The following CDH22 variants were observed in gnomAD, a reference collection of about 807,000 sequenced individuals.
CDH22 encodes cadherin-22.
CDH22 carries 30 observed loss-of-function variants against 58.4 expected under a neutral mutation model. The observed-to-expected ratio is 0.51, with a 90% CI of 0.38 to 0.70. The LOEUF (loss-of-function observed/expected upper bound fraction) is 0.70. Ranked by LOEUF, CDH22 falls within the 30% of genes least tolerant of loss-of-function variation. The pLI is 0.00. For synonymous variants in CDH22, 513 were observed against 558.2 expected, an observed-to-expected ratio of 0.92 and a Z score of 1.14; for missense variants, 1,014 against 1,233.9, an observed-to-expected ratio of 0.82 and a Z score of 2.67.
intron 1 of CDH22, among the ~76,000 whole-genome samples, chr20:46,263,447 T>G (rs2086443981): frequency 6.6e-6 from 1 of 151,964 alleles, no homozygotes; most frequent in African/African-American, 2.4e-5. Flanking sequence ...TGCATGTGTG[T>G]GTGTGAAGCA....
intron 1 of CDH22, among the ~76,000 whole-genome samples, chr20:46,291,490 T>C (rs1428915666): frequency 6.6e-6 from 1 of 152,190 alleles, no homozygotes; most frequent in Admixed American, 6.5e-5. Flanking sequence ...TTGCATAAGA[T>C]CCCATAGCCC....
At chr20:46,204,995 G>A (rs373381394) in intron 7 of CDH22, among the ~76,000 whole-genome samples, 3 of 152,080 alleles carry the variant, frequency 2.0e-5, no homozygotes, top group East Asian at 1.9e-4. Flanking sequence ...TGCAGCTGCC[G>A]CCCAAGCTGC....
chr20:46,197,086 C>G (rs570837295), intron 8 of CDH22, among the ~76,000 whole-genome samples: 1 of 152,184 alleles, frequency 6.6e-6, no homozygotes, highest in South Asian at 2.1e-4. Context: ...GGGGCTCAGA[C>G]AGCAGAGAGT....
rs868552160 is a variant in CDH22 at position 46,230,123 on chromosome 20, G to A, written c.551-2496C>T. On this transcript the variant is annotated intron_variant, in intron 3 of 11. Coordinates refer to ENST00000537909, the MANE Select transcript of CDH22 (RefSeq NM_021248.3). The stretch of plus-strand genomic sequence containing the variant: ...CTCCCACCTTCTTCAGAAGTCAGCA[G>A]CTCCCCAGAATTGGCTGACAAAAGG... Among the ~76,000 whole-genome samples the A allele has an allele frequency of 2.0e-5, 3 of 152,228 alleles. No homozygotes were observed. The East Asian group carries it at 5.8e-4, about 29-fold the overall frequency.
Position 46,217,006 on chromosome 20 carries a change from G to C in CDH22, c.671-13C>G, listed in dbSNP as rs761923682. The C allele has an allele frequency of 6.3e-7, 1 of 1,580,584 alleles. No individual in the cohort carries two copies. The highest frequency in any genetic ancestry group is 8.6e-7 in the Non-Finnish European group (1 of 1,157,224). On this transcript the variant is annotated splice_polypyrimidine_tract_variant and intron_variant, in intron 4 of 11. Coordinates refer to ENST00000537909, the MANE Select transcript of CDH22 (RefSeq NM_021248.3). ...GTCCGGATTACGCCTGTGGGTGAGT[G>C]AGGGTGAGGCCAGGGCACCCCACAC...
Position 46,233,759 on chromosome 20 carries a change from C to T in CDH22, c.551-6132G>A, listed in dbSNP as rs13043259. ...GGCCAACTCCTGAGGACCAGGGCCT[C>T]GGCTCCTGTCTGCTGCTTCTCCCCA... On this transcript the variant is annotated intron_variant, in intron 3 of 11. Transcript: ENST00000537909. Among the ~76,000 whole-genome samples the T allele has an allele frequency of 4.5e-3, 683 of 152,368 alleles. 3 individuals are homozygous for T. The highest frequency in any genetic ancestry group is 7.1e-3 in the African/African-American group (296 of 41,590).
chr20:46,256,686 A>G (rs1053422970), intron 1 of CDH22, among the ~76,000 whole-genome samples: 6 of 152,180 alleles, frequency 3.9e-5, no homozygotes, highest in Non-Finnish European at 1.5e-5. Flanking sequence ...GAAGAGTGAC[A>G]TGATCTGACT....
rs1478187379 is a variant in CDH22 at position 46,174,660 on chromosome 20, G to A, written c.2333C>T (p.Ala778Val). 1.3e-6 allele frequency: 2 copies of A among 1,557,054 alleles called. No homozygotes were observed. Among genetic ancestry groups the A allele is most frequent in the African/African-American group, 2.7e-5 (2 of 74,048 alleles). ...GCTGAGCGAGGCGGCCGGCGAGTCC[G>A]CGCCCTCGAAGGCGTAGGTCTGGAA... ...DAFQTYAFEG[A>V]DSPAASLSSL... is the part of the protein sequence containing the mutation. Residue 778 changes from alanine (A) to valine (V), a missense_variant, in exon 12 of 12, where the codon GCG (alanine) becomes GTG (valine). By Grantham distance (64) the Ala-to-Val change is moderately conservative (BLOSUM62 0). Transcript: ENST00000537909. This position sits in a 1 kb window ranked among gnomAD's most constrained non-coding sequence, Gnocchi z 4.4.
chr20:46,223,633 C>T (rs888865709), intron 4 of CDH22, among the ~76,000 whole-genome samples: 19 of 143,720 alleles, frequency 1.3e-4, no homozygotes, highest in Non-Finnish European at 2.7e-4. Flanking sequence ...TTTCTTTTTT[C>T]TTTCTTTCTT....
chr20:46,253,275 T>TC (rs1239581896), intron 1 of CDH22, among the ~76,000 whole-genome samples: 1 of 152,218 alleles, frequency 6.6e-6, no homozygotes, highest in Admixed American at 6.5e-5. Flanking sequence ...TGCTTTTTTT[T>TC]CTAGCATCTC....
At chr20:46,235,540 C>A (rs2086246422) in intron 3 of CDH22, among the ~76,000 whole-genome samples, 1 of 152,212 alleles carries the variant, frequency 6.6e-6, no homozygotes, top group Non-Finnish European at 1.5e-5. Context: ...TCTTAACTTG[C>A]CCAAGAATTA....
At chr20:46,286,826 C>G (rs1324475613) in intron 1 of CDH22, among the ~76,000 whole-genome samples, 1 of 152,148 alleles carries the variant, frequency 6.6e-6, no homozygotes, top group East Asian at 1.9e-4. Flanking sequence ...CTAGAAAGCC[C>G]TATGGCTCCT....
intron 2 of CDH22, among the ~76,000 whole-genome samples, chr20:46,249,716 C>T (rs1374916641): frequency 2.0e-5 from 3 of 152,172 alleles, no homozygotes; most frequent in East Asian, 3.9e-4. Context: ...TTGGCCCTAA[C>T]AAAAGCCAGA....
At chr20:46,291,512 G>T (rs2086602706) in intron 1 of CDH22, among the ~76,000 whole-genome samples, 1 of 152,220 alleles carries the variant, frequency 6.6e-6, no homozygotes, top group Non-Finnish European at 1.5e-5. Context: ...GAGCGGCCCT[G>T]CTGGCTCCAG....
chr20:46,183,768 GGC>G (rs1491489004), intron 10 of CDH22, among the ~76,000 whole-genome samples: 220 of 544 alleles, frequency 0.4, 2 homozygotes, highest in African/African-American at 0.47. Flanking sequence ...AGGCCACTAA[GGC>G]TCCGCATTGG....
intron 2 of CDH22, among the ~76,000 whole-genome samples, chr20:46,246,423 C>T (rs1600714959): frequency 6.6e-6 from 1 of 152,292 alleles, no homozygotes. Context: ...ATAATTCTAT[C>T]TTTTTTTAAA....
chr20:46,288,396 G>T (rs2086585536), intron 1 of CDH22, among the ~76,000 whole-genome samples: 2 of 152,084 alleles, frequency 1.3e-5, no homozygotes, highest in Non-Finnish European at 2.9e-5. Context: ...GCCCCAGAGG[G>T]TAGTCCCTGG....
rs1419516383 is a variant in CDH22, at chr20:46,210,717, A to G, written c.1033-157T>C. 2.0e-5 allele frequency among the ~76,000 whole-genome samples: 3 copies of G among 152,132 alleles called. No homozygotes were observed. Among genetic ancestry groups the G allele is most frequent in the Non-Finnish European group, 2.9e-5 (2 of 68,012 alleles). On this transcript the variant is annotated intron_variant, in intron 6 of 11. Transcript: ENST00000537909. The surrounding 1 kb of genome is among the most constrained non-coding windows in gnomAD (Gnocchi z 4.5). The stretch of plus-strand genomic sequence containing the variant: ...GGGCTGCATTGCAGAACTGACCCAG[A>G]CCAACCCGGTGGGTTACGGGTGGAG...
intron 1 of CDH22, among the ~76,000 whole-genome samples, chr20:46,291,484 A>G (rs1368059980): frequency 6.6e-6 from 1 of 152,228 alleles, no homozygotes; most frequent in African/African-American, 2.4e-5. Context: ...GGTAAGTTGC[A>G]TAAGATCCCA....
Sources: allele counts gnomAD v4.1 joint callset (sites outside exome capture counted in the v4.1 genomes callset), GRCh38; gene constraint gnomAD v4.1.1; non-coding constraint Gnocchi (gnomAD v3.1); transcripts MANE v1.5; gene names NCBI Gene and HGNC (gene_info 2026-07-23, HGNC 2026-07-21).